NAALADL2: variants seen among roughly 807,000 people sequenced by gnomAD.
The protein encoded by NAALADL2 is inactive N-acetylated-alpha-linked acidic dipeptidase-like protein 2.
NAALADL2 carries 76 observed loss-of-function variants against 87.2 expected under a neutral mutation model. That is an observed-to-expected ratio of 0.87 (90% CI 0.72 to 1.05). The LOEUF is 1.05. Ranked by LOEUF, NAALADL2 falls within the 50% of genes least tolerant of loss-of-function variation. NAALADL2 has a pLI of 0.00. For missense variants in NAALADL2, 1,089 were observed against 945.8 expected, an observed-to-expected ratio of 1.15 and a Z score of -1.99; for synonymous variants, 354 against 331.0, an observed-to-expected ratio of 1.07 and a Z score of -0.75.
chr3:175,129,380 TTTAC>T (rs1188058893), intron 2 of NAALADL2, among the ~76,000 whole-genome samples: 11 of 152,158 alleles, frequency 7.2e-5, no homozygotes. Context: ...GTCACTGTGG[TTTAC>T]ATTAGTCACC....
intron 3 of NAALADL2, among the ~76,000 whole-genome samples, chr3:174,781,449 A>G (rs1030558172): frequency 5.3e-5 from 8 of 151,318 alleles, no homozygotes; most frequent in African/African-American, 1.7e-4. Context: ...CCTCAAAGTG[A>G]TGGGGAGAAT....
chr3:174,925,235 A>G (rs2108378798), intron 1 of NAALADL2, among the ~76,000 whole-genome samples: 1 of 152,228 alleles, frequency 6.6e-6, no homozygotes, highest in South Asian at 2.1e-4. Context: ...TCCATCTTGA[A>G]TTAATTTTTG....
chr3:175,418,966 A>G (rs897789116), intron 5 of NAALADL2, among the ~76,000 whole-genome samples: 6 of 151,952 alleles, frequency 3.9e-5, no homozygotes, highest in Non-Finnish European at 7.4e-5. Context: ...ATCAGATGTG[A>G]TAAACCTTCC....
intron 1 of NAALADL2, among the ~76,000 whole-genome samples, chr3:174,952,447 C>A (rs1042234121): frequency 6.6e-6 from 1 of 152,060 alleles, no homozygotes; most frequent in South Asian, 2.1e-4. Context: ...TTCCTATAAC[C>A]TCAGAGATAA....
At chr3:175,358,408 C>T in intron 5 of NAALADL2, among the ~76,000 whole-genome samples, 1 of 151,570 alleles carries the variant, frequency 6.6e-6, no homozygotes, top group East Asian at 1.9e-4. Context: ...GATTAAGAAG[C>T]CATTCTATTT....
chr3:174,919,710 C>T (rs1339848308), intron 1 of NAALADL2, among the ~76,000 whole-genome samples: 3 of 152,106 alleles, frequency 2.0e-5, no homozygotes, highest in East Asian at 1.9e-4. Context: ...TTATTAATGG[C>T]GTATAGAATG....
intron 1 of NAALADL2, among the ~76,000 whole-genome samples, chr3:174,907,578 T>C (rs1272346012): frequency 6.6e-6 from 1 of 152,122 alleles, no homozygotes; most frequent in Non-Finnish European, 1.5e-5. Context: ...AAAAACCACG[T>C]CCCTAAAAGG....
intron 10 of NAALADL2, among the ~76,000 whole-genome samples, chr3:175,618,045 T>A (rs1725588432): frequency 6.6e-6 from 1 of 152,160 alleles, no homozygotes; most frequent in Non-Finnish European, 1.5e-5. Context: ...AAAAAACTCA[T>A]CCCCAAACTT....
intron 1 of NAALADL2, among the ~76,000 whole-genome samples, chr3:174,868,658 C>A (rs1325008293): frequency 6.6e-6 from 1 of 152,016 alleles, no homozygotes; most frequent in African/African-American, 2.4e-5. Context: ...ACTGTGAAAA[C>A]TTGATTTCTT....
In NAALADL2 at chr3:174,503,531, T is replaced by C. The variant is rs191501845; in HGVS notation, c.-183-47038T>C. Among the ~76,000 whole-genome samples, 165 of 152,272 alleles carry C rather than the reference T, an allele frequency of 1.1e-3. 1 individual carries two copies. Among genetic ancestry groups the C allele is most frequent in the African/African-American group, 3.8e-3 (160 of 41,560 alleles). ...TAAAAATATAATTGTCCAAACTCTA[T>C]TTTTTATGAGAAGATTTATGGCTTT... is the stretch of plus-strand genomic sequence containing the variant. On this transcript the variant is annotated intron_variant, in intron 1 of 3. Transcript: ENST00000434257.
intron 4 of NAALADL2, among the ~76,000 whole-genome samples, chr3:175,281,876 A>G (rs1466290075): frequency 6.6e-6 from 1 of 151,986 alleles, no homozygotes; most frequent in Non-Finnish European, 1.5e-5. Flanking sequence ...TTAACAAAAT[A>G]CTTTATGAGT....
At chr3:174,707,319 C>G (rs996338678) in intron 2 of NAALADL2, among the ~76,000 whole-genome samples, 1 of 152,072 alleles carries the variant, frequency 6.6e-6, no homozygotes. Context: ...GGAATATAAA[C>G]CATGCTGCTA....
At chr3:175,719,255 A>T (rs1420884039) in intron 11 of NAALADL2, among the ~76,000 whole-genome samples, 2 of 152,108 alleles carry the variant, frequency 1.3e-5, no homozygotes, top group Non-Finnish European at 1.5e-5. Context: ...TATCTTGTTA[A>T]ATGAGTCACT....
At chr3:174,564,417 G>A (rs572838247) in intron 2 of NAALADL2, among the ~76,000 whole-genome samples, 4 of 152,216 alleles carry the variant, frequency 2.6e-5, no homozygotes, top group African/African-American at 9.6e-5. Context: ...GAGACCTGGA[G>A]GACCTAGTGG....
At chr3:175,218,515 C>T (rs1398858651) in intron 2 of NAALADL2, among the ~76,000 whole-genome samples, 1 of 148,408 alleles carries the variant, frequency 6.7e-6, no homozygotes, top group African/African-American at 2.6e-5. Flanking sequence ...AGTATACAAA[C>T]CTTAAGTTAA....
At chr3:174,621,077 A>G (rs1356410195) in intron 2 of NAALADL2, among the ~76,000 whole-genome samples, 1 of 152,026 alleles carries the variant, frequency 6.6e-6, no homozygotes, top group Non-Finnish European at 1.5e-5. Context: ...ATGGGTAGAC[A>G]TCTCATAGAA....
chr3:175,403,526 TA>T (rs1049541507), intron 5 of NAALADL2, among the ~76,000 whole-genome samples: 6 of 152,108 alleles, frequency 3.9e-5, no homozygotes, highest in African/African-American at 7.2e-5. Context: ...GAATATCGTA[TA>T]TTTTTTTTCT....
intron 2 of NAALADL2, among the ~76,000 whole-genome samples, chr3:174,717,210 A>G (rs1048390647): frequency 6.6e-6 from 1 of 152,184 alleles, no homozygotes; most frequent in South Asian, 2.1e-4. Flanking sequence ...ATCTTAAAGC[A>G]TCATCTACCT....
At chr3:175,138,093 T>C (rs568119798) in intron 2 of NAALADL2, among the ~76,000 whole-genome samples, 1 of 152,218 alleles carries the variant, frequency 6.6e-6, no homozygotes, top group Non-Finnish European at 1.5e-5. Context: ...GGACTTCAAA[T>C]TGGATGGAGA....
Sources: allele counts gnomAD v4.1 joint callset (sites outside exome capture counted in the v4.1 genomes callset), GRCh38; gene constraint gnomAD v4.1.1; transcripts MANE v1.5; gene names NCBI Gene and HGNC (gene_info 2026-07-23, HGNC 2026-07-21).